The following ANPEP variants were observed in gnomAD, a reference collection of about 807,000 sequenced individuals.
The protein encoded by ANPEP is aminopeptidase N.
In ANPEP, 70 loss-of-function variants were observed where a neutral mutation model predicts 114.6. That is an observed-to-expected ratio of 0.61 (90% CI 0.50 to 0.75). The LOEUF (loss-of-function observed/expected upper bound fraction) is 0.75, where lower values mean the gene tolerates loss of function less well. Ranked by LOEUF, ANPEP falls within the 30% of genes least tolerant of loss-of-function variation. The pLI is 0.00. For missense variants in ANPEP, 1,184 were observed against 1,259.5 expected (o/e 0.94, Z 0.91); for synonymous variants, 548 against 522.3 (o/e 1.05, Z -0.67).
At position 89,806,108 on chromosome 15, in the gene ANPEP, G is replaced by A. The variant is rs570722845; in HGVS notation, c.476C>T (p.Thr159Ile). ...DIDKTELVEP[T>I]EYLVVHLKGS... is the part of the protein sequence containing the mutation. ...CTTGAGGTGCACCACCAGGTACTCGGTGGGCTCCACCAGCTCAGTCTTGTC... is the reference window on the plus strand; with the variant it reads ...CTTGAGGTGCACCACCAGGTACTCGATGGGCTCCACCAGCTCAGTCTTGTC... Residue 159 changes from threonine to isoleucine, a missense_variant, in exon 2 of 21, where the codon ACC becomes ATC. By Grantham distance (89) the Thr-to-Ile change is moderately conservative. Transcript: ENST00000300060. The surrounding 1 kb of genome is among the most constrained non-coding windows in gnomAD (Gnocchi z 5.7). 7.4e-6 allele frequency: 12 copies of A among 1,614,086 alleles called. No homozygotes were observed. The South Asian group carries it at 9.9e-5, about 13-fold the overall frequency.
intron 1 of ANPEP, among the ~76,000 whole-genome samples, chr15:89,810,118 G>C (rs1894791576): frequency 6.6e-6 from 1 of 152,206 alleles, no homozygotes; most frequent in Non-Finnish European, 1.5e-5. Context: ...GGTGGCTCAT[G>C]CCTGTAATCC....
chr15:89,793,668 A>C (rs1968675327), intron 15 of ANPEP, among the ~76,000 whole-genome samples: 1 of 143,168 alleles, frequency 7.0e-6, no homozygotes, highest in African/African-American at 2.7e-5. Context: ...ACGCCACTGC[A>C]CTCCAGCCTG....
At chr15:89,791,221 G>A in intron 18 of ANPEP, 128 bp from the exon 19 acceptor site, 1 of 1,092,356 alleles carries the variant, frequency 9.2e-7, no homozygotes, top group South Asian at 1.6e-5. Context: ...AGGGGCTGAG[G>A]GACCCCTTGG....
rs376501954 is a variant in ANPEP at position 89,806,337 on chromosome 15, C to A, written c.247G>T (p.Asp83Tyr). ...RYRLPNTLKP[D>Y]SYRVTLRPYL... ...GGTCTCAGCGTCACCCGGTAGGAAT[C>A]GGGTTTCAGCGTGTTGGGGAGGCGG... The change falls in exon 2 of 21, where the codon GAT becomes TAT. Residue 83 changes from aspartate to tyrosine, a missense_variant. Coordinates refer to ENST00000300060, the MANE Select transcript of ANPEP (RefSeq NM_001150.3). The surrounding 1 kb of genome is among the most constrained non-coding windows in gnomAD (Gnocchi z 5.7). 5.6e-6 allele frequency: 9 copies of A among 1,613,996 alleles called. No individual in the cohort carries two copies. Among genetic ancestry groups the A allele is most frequent in the Non-Finnish European group, 7.6e-6 (9 of 1,180,016 alleles).
intron 1 of ANPEP, among the ~76,000 whole-genome samples, chr15:89,810,248 AGG>A (rs1329476393): frequency 1.3e-5 from 2 of 152,098 alleles, no homozygotes; most frequent in African/African-American, 4.8e-5. Flanking sequence ...GCATGGTAGC[AGG>A]TGCCCGTAAT....
At chr15:89,797,386 G>A (rs1012428120) in intron 15 of ANPEP, 189 bp downstream of exon 15, 25 of 789,712 alleles carry the variant, frequency 3.2e-5, no homozygotes, top group African/African-American at 1.6e-4. Context: ...CCTCCGGCTC[G>A]CTCTTTCACC....
Position 89,803,120 on chromosome 15 carries a change from C to G in ANPEP, c.1569+119G>C, listed in dbSNP as rs1016467905. ...AGGAGCAACAGAGGCTCCATCCACC[C>G]TGCAGGGCTGGTCAGCCGCGGAGCT... On this transcript the variant is annotated intron_variant, in intron 10 of 20. Transcript: ENST00000300060. This position sits in a 1 kb window ranked among gnomAD's most constrained non-coding sequence, Gnocchi z 4.2. The G allele has an allele frequency of 8.6e-7, 1 of 1,167,256 alleles. No homozygotes were observed. Among genetic ancestry groups the G allele is most frequent in the African/African-American group, 1.5e-5 (1 of 66,478 alleles). The allele number at this position is 1,167,256 out of a possible 1,614,324, so 72.3% of individuals were successfully genotyped here. A position where few individuals can be genotyped will look rare whatever the true frequency, so the allele number is the denominator to read the frequency against.
At chr15:89,807,183 T>C (rs548139564) in intron 1 of ANPEP, among the ~76,000 whole-genome samples, 1 of 152,342 alleles carries the variant, frequency 6.6e-6, no homozygotes, top group Admixed American at 6.5e-5. Flanking sequence ...CTGCCGCTTC[T>C]TGCCAAATAC....
At position 89,797,843 on chromosome 15, in the gene ANPEP, G is replaced by C. The variant is rs551806307; in HGVS notation, c.2010-121C>G. On this transcript the variant is annotated intron_variant, in intron 14 of 20. Coordinates refer to ENST00000300060, the MANE Select transcript of ANPEP (RefSeq NM_001150.3). ...CCTAGGCCCCCTGTATCCACTCCTGGAGCCGGAGGTCCCAGATTCCCAACT... is the reference window on the plus strand; with the variant it reads ...CCTAGGCCCCCTGTATCCACTCCTGCAGCCGGAGGTCCCAGATTCCCAACT... 150 of 1,354,160 alleles carry C rather than the reference G, an allele frequency of 1.1e-4. 5 individuals are homozygous for C. The South Asian group carries it at 1.9e-3, about 17-fold the overall frequency. 83.9% of individuals were successfully genotyped at this position (1,354,160 alleles called of 1,614,324 possible). A position where few individuals can be genotyped will look rare whatever the true frequency, so the allele number is the denominator to read the frequency against.
Position 89,805,071 on chromosome 15 carries a change from C to A in ANPEP, c.897+7G>T. 6.2e-7 allele frequency: 1 copy of A among 1,614,230 alleles called. No individual in the cohort carries two copies. The highest frequency in any genetic ancestry group is 1.1e-5 in the South Asian group (1 of 91,092). ...CACGTGAAGGAGAGATGGGCCCAGC[C>A]TCATACCAAGACACCATTGGATGCC... is the stretch of plus-strand genomic sequence containing the variant. On this transcript the variant is annotated splice_region_variant and intron_variant, in intron 4 of 20. Transcript: ENST00000300060.
chr15:89,805,740 C>T (rs558637985), intron 2 of ANPEP, among the ~76,000 whole-genome samples: 1 of 152,308 alleles, frequency 6.6e-6, no homozygotes, highest in African/African-American at 2.4e-5. Flanking sequence ...CCTGTCTGTC[C>T]AAGGGACGCT....
At position 89,805,301 on chromosome 15, in the gene ANPEP, C is replaced by T. The variant is rs775243390; in HGVS notation, c.757+20G>A. On this transcript the variant is annotated intron_variant, in intron 3 of 20. Transcript: ENST00000300060. ...GGTGCCTGCCCCCTGGCCCTGTGGCCGCAGGCAGGGCCCACTCACCTTTGG... is the reference window on the plus strand; with the variant it reads ...GGTGCCTGCCCCCTGGCCCTGTGGCTGCAGGCAGGGCCCACTCACCTTTGG... The T allele has an allele frequency of 2.2e-5, 35 of 1,612,840 alleles. No homozygotes were observed. The highest frequency in any genetic ancestry group is 9.3e-5 in the African/African-American group (7 of 74,894).
Position 89,790,450 on chromosome 15 carries a change from G to T in ANPEP, c.2751+10C>A. ...TAGGCAGAGCCCAGGTCTGGGGAAT[G>T]ACTTCTTACCTGCTGCAGCTCATAC... On this transcript the variant is annotated intron_variant, in intron 20 of 20. Transcript: ENST00000300060. 1 of 1,612,562 alleles carries T rather than the reference G, an allele frequency of 6.2e-7. No homozygotes were observed. The highest frequency in any genetic ancestry group is 1.1e-5 in the South Asian group (1 of 90,978).
At chr15:89,791,177 T>C (rs878933575) in intron 18 of ANPEP, 84 bp from the exon 19 acceptor site, 4 of 1,488,496 alleles carry the variant, frequency 2.7e-6, no homozygotes, top group African/African-American at 1.4e-5. Flanking sequence ...ACATCACCTA[T>C]GCCTGCATCC....
chr15:89,805,923 C>T (rs201944911), intron 2 of ANPEP, 47 bp downstream of exon 2: 1 of 1,551,496 alleles, frequency 6.4e-7, no homozygotes, highest in Non-Finnish European at 8.7e-7. Flanking sequence ...CCAGCCTTGC[C>T]TCAGCACCTC....
At chr15:89,811,286 C>A (rs1183849310) in intron 1 of ANPEP, among the ~76,000 whole-genome samples, 2 of 152,192 alleles carry the variant, frequency 1.3e-5, no homozygotes, top group African/African-American at 2.4e-5. Flanking sequence ...TCTTAGCCTC[C>A]TTCTGAGCGA....
At position 89,799,415 on chromosome 15, in the gene ANPEP, C is replaced by A; in HGVS notation, c.1953+11G>T. ...GGGCAGGGGGCAGGGCGAGGGGTGGCAGACACTCACCGAGTGGTCTCTCTG... is the reference window on the plus strand; with the variant it reads ...GGGCAGGGGGCAGGGCGAGGGGTGGAAGACACTCACCGAGTGGTCTCTCTG... On this transcript the variant is annotated intron_variant, in intron 13 of 20. Transcript: ENST00000300060. The surrounding 1 kb of genome is among the most constrained non-coding windows in gnomAD (Gnocchi z 4.2). 2 of 1,614,130 alleles carry A rather than the reference C, an allele frequency of 1.2e-6. No individual in the cohort carries two copies. The highest frequency in any genetic ancestry group is 2.7e-5 in the African/African-American group (2 of 75,022).
rs544815907 is a variant in ANPEP at position 89,806,218 on chromosome 15, G to C, written c.366C>G (p.Ile122Met). Residue 122 changes from isoleucine to methionine, a missense_variant, in exon 2 of 21, where the codon ATC becomes ATG. Physicochemically the swap from Ile to Met is conservative, Grantham distance 10. Transcript: ENST00000300060. The surrounding 1 kb of genome is among the most constrained non-coding windows in gnomAD (Gnocchi z 5.7). ...GGGTGTAGTTGAGCTTCTTGCTGTG[G>C]ATGATGATGACGTCAGTGGCCTCCT... is the stretch of plus-strand genomic sequence containing the variant. Reference protein sequence around the residue: ...TCKEATDVIIIHSKKLNYTLS... With the variant: ...TCKEATDVIIMHSKKLNYTLS... 5.7e-5 allele frequency: 92 copies of C among 1,614,138 alleles called. No homozygotes were observed. The South Asian group carries it at 6.1e-4, about 11-fold the overall frequency.
chr15:89,804,297 T>C lies in ANPEP; in HGVS notation c.1135A>G (p.Lys379Glu). The C allele has an allele frequency of 1.2e-6, 2 of 1,614,088 alleles. No homozygotes were observed. The highest frequency in any genetic ancestry group is 1.3e-5 in the African/African-American group (1 of 75,036). The change falls in exon 6 of 21, where the codon AAG becomes GAG. Residue 379 changes from lysine (K) to glutamate (E), a missense_variant. Transcript: ENST00000300060. Reference protein sequence around the residue: ...FDPLSSSSSNKERVVTVIAHE... With the variant: ...FDPLSSSSSNEERVVTVIAHE... Reference sequence around the variant, plus strand: ...GCAATCACAGTGACCACCCGCTCCTTGTTGCTGCTGGAGGAGGACAGGGGG... The same window carrying C: ...GCAATCACAGTGACCACCCGCTCCTCGTTGCTGCTGGAGGAGGACAGGGGG...
Sources: gnomAD v4.1 joint callset for allele counts (sites outside exome capture counted in the v4.1 genomes callset) on GRCh38, gnomAD v4.1.1 for gene constraint, Gnocchi (gnomAD v3.1) non-coding constraint, MANE v1.5 for transcripts, NCBI Gene and HGNC (gene_info 2026-07-23, HGNC 2026-07-21) for gene names.